The following CCDC30 variants were observed in gnomAD, a reference collection of about 807,000 sequenced individuals.
The protein encoded by CCDC30 is coiled-coil domain containing 30.
Under a neutral mutation model 100.2 loss-of-function variants are expected in CCDC30, and 70 were observed. The observed-to-expected ratio is 0.70, with a 90% CI of 0.58 to 0.85. The LOEUF is 0.85. CCDC30 is among the 40% of genes least tolerant of loss of function. The pLI is 0.00. For missense variants in CCDC30, 652 were observed against 771.2 expected (o/e 0.85, Z 1.83); for synonymous variants, 233 against 269.5 (o/e 0.86, Z 1.33).
chr1:42,464,520 ATTCT>A (rs1404680813), intron 1 of CCDC30, among the ~76,000 whole-genome samples: 1 of 152,212 alleles, frequency 6.6e-6, no homozygotes, highest in Non-Finnish European at 1.5e-5. Flanking sequence ...ATCAGAAAAC[ATTCT>A]TTGTGATGTA....
At position 42,526,108 on chromosome 1, in the gene CCDC30, A is replaced by G. The variant is rs143520620; in HGVS notation, c.456+27192A>G. Among the ~76,000 whole-genome samples, 501 of 152,210 alleles carry G rather than the reference A, an allele frequency of 3.3e-3. 7 individuals carry two copies. The highest frequency in any genetic ancestry group is 9.1e-3 in the East Asian group (47 of 5,180). ...TTCTCTGTCTCCTCAATTCCACAAG[A>G]TTGCTATGCTCTATACAGGATTTCC... On this transcript the variant is annotated intron_variant, in intron 6 of 16. Transcript: ENST00000668663.
intron 10 of CCDC30, among the ~76,000 whole-genome samples, chr1:42,607,914 A>T (rs1646535193): frequency 6.6e-6 from 1 of 152,208 alleles, no homozygotes. Flanking sequence ...GGTTCTTTTG[A>T]TGTTGGACAA....
At chr1:42,473,259 G>A (rs1643826917) in intron 1 of CCDC30, 1 of 1,231,578 alleles carries the variant, frequency 8.1e-7, no homozygotes, top group Non-Finnish European at 1.0e-6. Context: ...TGCTACCACA[G>A]ATGTAGAAGA....
intron 3 of CCDC30, among the ~76,000 whole-genome samples, chr1:42,483,313 T>A (rs547034424): frequency 6.6e-6 from 1 of 152,230 alleles, no homozygotes; most frequent in Non-Finnish European, 1.5e-5. Flanking sequence ...GATTGTGTTG[T>A]CAGTTTTTGT....
In CCDC30 at chr1:42,652,453, C is replaced by T. The variant is rs1648432405; in HGVS notation, c.1855-923C>T. ...TTATATATCATAGCATCACTTTGTA[C>T]ACCGTAAGTATAGGCACTTATAATT... is the stretch of plus-strand genomic sequence containing the variant. On this transcript the variant is annotated intron_variant, in intron 15 of 16. Coordinates refer to ENST00000668663, the Ensembl canonical transcript of CCDC30. 2.0e-5 allele frequency among the ~76,000 whole-genome samples: 3 copies of T among 152,244 alleles called. No homozygotes were observed. In the South Asian group the frequency reaches 6.2e-4, roughly 32 times the overall value.
intron 4 of CCDC30, among the ~76,000 whole-genome samples, chr1:42,494,372 T>A (rs1264941009): frequency 6.6e-6 from 1 of 152,188 alleles, no homozygotes; most frequent in Non-Finnish European, 1.5e-5. Flanking sequence ...GGTTAAAGAC[T>A]TACATGTTAG....
intron 3 of CCDC30, among the ~76,000 whole-genome samples, chr1:42,483,210 C>T (rs1397083184): frequency 1.3e-5 from 2 of 152,160 alleles, no homozygotes; most frequent in African/African-American, 4.8e-5. Context: ...AAGATTCATT[C>T]ATTTTGTTAC....
intron 6 of CCDC30, among the ~76,000 whole-genome samples, chr1:42,513,442 C>T (rs1031220351): frequency 1.3e-5 from 2 of 152,174 alleles, no homozygotes; most frequent in Admixed American, 1.3e-4. Flanking sequence ...TGGCCAGCGC[C>T]ATCTTGTCTG....
At chr1:42,473,369 G>A (rs762795435) in intron 1 of CCDC30, 26 of 938,058 alleles carry the variant, frequency 2.8e-5, no homozygotes, top group Non-Finnish European at 3.6e-5. Flanking sequence ...TCATTAAATT[G>A]ACATATTAAA....
intron 6 of CCDC30, among the ~76,000 whole-genome samples, chr1:42,508,592 C>T (rs1414880698): frequency 6.6e-6 from 1 of 152,158 alleles, no homozygotes; most frequent in Non-Finnish European, 1.5e-5. Context: ...AACAGAACAG[C>T]ACCTTTGATT....
chr1:42,516,158 AC>A (rs1644551695), intron 6 of CCDC30, among the ~76,000 whole-genome samples: 1 of 152,194 alleles, frequency 6.6e-6, no homozygotes, highest in Non-Finnish European at 1.5e-5. Context: ...TTACATTTCC[AC>A]CAACCGTGTA....
chr1:42,477,127 G>C (rs974399627), intron 1 of CCDC30, among the ~76,000 whole-genome samples: 1 of 151,068 alleles, frequency 6.6e-6, no homozygotes, highest in African/African-American at 2.4e-5. Flanking sequence ...AATTTCTTCC[G>C]GCATTTCTGG....
At chr1:42,613,387 T>G (rs1214641874) in intron 11 of CCDC30, among the ~76,000 whole-genome samples, 2 of 152,294 alleles carry the variant, frequency 1.3e-5, no homozygotes, top group East Asian at 3.9e-4. Flanking sequence ...CCAGAGTAGC[T>G]GGGACCACAG....
rs1382305687 is a variant in CCDC30 at position 42,596,300 on chromosome 1, G to A, written c.1164+6817G>A. 1.3e-5 allele frequency among the ~76,000 whole-genome samples: 2 copies of A among 152,150 alleles called. No homozygotes were observed. The highest frequency in any genetic ancestry group is 2.9e-5 in the Non-Finnish European group (2 of 68,018). On this transcript the variant is annotated intron_variant, in intron 10 of 16. Transcript: ENST00000668663. This position sits in a 1 kb window ranked among gnomAD's most constrained non-coding sequence, Gnocchi z 4.3. The stretch of plus-strand genomic sequence containing the variant: ...ACATTTGTGAGTTTTACCTCCTGTA[G>A]CATACCAGGTTCTTGTGAATATCTG...
At chr1:42,523,432 A>G (rs991571507) in intron 6 of CCDC30, among the ~76,000 whole-genome samples, 3 of 152,154 alleles carry the variant, frequency 2.0e-5, no homozygotes, top group Admixed American at 1.3e-4. Context: ...TGGTTGCCAA[A>G]GTTTCTGAGG....
intron 15 of CCDC30, 71 bp from the exon 20 acceptor site, chr1:42,653,305 T>A (rs557567320): frequency 3.3e-5 from 27 of 812,684 alleles, no homozygotes; most frequent in Admixed American, 9.1e-5. Context: ...ATATATATAT[T>A]TTTTTCTAGG....
intron 10 of CCDC30, among the ~76,000 whole-genome samples, chr1:42,599,589 A>C (rs1408967460): frequency 6.6e-6 from 1 of 152,256 alleles, no homozygotes; most frequent in Non-Finnish European, 1.5e-5. Context: ...TCAATGGTTT[A>C]AATGCACCAA....
chr1:42,481,968 C>G (rs956616660), intron 2 of CCDC30, among the ~76,000 whole-genome samples: 2 of 152,042 alleles, frequency 1.3e-5, no homozygotes, highest in African/African-American at 2.4e-5. Flanking sequence ...CCTGTAATCC[C>G]AGCACTTTGG....
At chr1:42,500,419 CTTT>C (rs373902992) in intron 6 of CCDC30, 41 of 717,032 alleles carry the variant, frequency 5.7e-5, no homozygotes, top group Non-Finnish European at 7.4e-5. Context: ...CGAGTTCTCT[CTTT>C]TTTTTTTTTG....
Sources: gnomAD v4.1 joint callset for allele counts (sites outside exome capture counted in the v4.1 genomes callset) on GRCh38, gnomAD v4.1.1 for gene constraint, Gnocchi (gnomAD v3.1) non-coding constraint, MANE v1.5 for transcripts, NCBI Gene and HGNC (gene_info 2026-07-23, HGNC 2026-07-21) for gene names.